ZNF577: variants seen among roughly 807,000 people sequenced by gnomAD.
ZNF577 encodes zinc finger protein 577.
A neutral mutation model predicts 13.9 loss-of-function variants in ZNF577; 14 were observed. The observed-to-expected ratio is 1.00, with a 90% CI of 0.66 to 1.57. The LOEUF (loss-of-function observed/expected upper bound fraction) is 1.57, where lower values mean the gene tolerates loss of function less well. ZNF577 is among the 40% of genes most tolerant of loss of function. The pLI, the probability that ZNF577 is intolerant of heterozygous loss-of-function variation, is 0.00. For missense variants in ZNF577, 555 were observed against 579.2 expected, an observed-to-expected ratio of 0.96 and a Z score of 0.43; for synonymous variants, 203 against 202.9, an observed-to-expected ratio of 1.00 and a Z score of 0.00.
chr19:51,829,386 G>A (rs1485687969), intron 9 of ZNF577, among the ~76,000 whole-genome samples: 7 of 151,474 alleles, frequency 4.6e-5, no homozygotes, highest in Non-Finnish European at 8.8e-5. Flanking sequence ...CAGCAGTCCT[G>A]TGCACAGATG....
intron 4 of ZNF577, chr19:51,878,012 G>C (rs1003811741): frequency 6.2e-6 from 1 of 160,146 alleles, no homozygotes; most frequent in Non-Finnish European, 1.4e-5. Context: ...GACACAAAAA[G>C]ACAGACACTA....
chr19:51,869,649 G>A lies in ZNF577; in HGVS notation c.*2883C>T, dbSNP rs866129728. Among the ~76,000 whole-genome samples, 2 of 151,892 alleles carry A rather than the reference G, an allele frequency of 1.3e-5. No individual in the cohort carries two copies. The highest frequency in any genetic ancestry group is 4.8e-5 in the African/African-American group (2 of 41,294). Reference sequence around the variant, plus strand: ...TTCTTATTTCTTTTCTCAGTCTCTCGTCCCCCCTGACGAGAAACACCCACA... The same window carrying A: ...TTCTTATTTCTTTTCTCAGTCTCTCATCCCCCCTGACGAGAAACACCCACA... On this transcript the variant is annotated 3_prime_UTR_variant, in exon 6 of 6. Transcript: ENST00000638348.
intron 5 of ZNF577, among the ~76,000 whole-genome samples, chr19:51,874,330 G>T (rs763689683): frequency 2.0e-5 from 3 of 152,120 alleles, no homozygotes; most frequent in African/African-American, 7.2e-5. Context: ...ATGCAAAGAC[G>T]TAAGAAAATT....
At chr19:51,879,652 T>C (rs2084829663) in intron 3 of ZNF577, among the ~76,000 whole-genome samples, 1 of 152,204 alleles carries the variant, frequency 6.6e-6, no homozygotes, top group South Asian at 2.1e-4. Context: ...TACATAAATA[T>C]GAATATATTC....
rs1484649751 is a variant in ZNF577 at position 51,868,611 on chromosome 19, TA to T, written c.*3920del. Among the ~76,000 whole-genome samples the T allele has an allele frequency of 1.3e-5, 2 of 152,090 alleles. No homozygotes were observed. Among genetic ancestry groups the T allele is most frequent in the Non-Finnish European group, 2.9e-5 (2 of 68,006 alleles). The stretch of plus-strand genomic sequence containing the variant: ...AATATGCCCAAGGCCAATTCCCTCA[TA>T]ATGTTGCCTACAGAAGCCCCAGCAA... On this transcript the variant is annotated 3_prime_UTR_variant, in exon 6 of 6. Transcript: ENST00000638348.
At chr19:51,854,071 A>G (rs2037241605) in intron 5 of ZNF577, among the ~76,000 whole-genome samples, 1 of 152,172 alleles carries the variant, frequency 6.6e-6, no homozygotes. Flanking sequence ...ATGTCTGAAA[A>G]TTTTTATAAT....
At chr19:51,846,752 T>C (rs1032563636) in intron 5 of ZNF577, among the ~76,000 whole-genome samples, 3 of 150,934 alleles carry the variant, frequency 2.0e-5, no homozygotes, top group African/African-American at 4.9e-5. Context: ...CCTACTGCCA[T>C]ATGAAAACAG....
chr19:51,873,680 C>A lies in ZNF577; in HGVS notation c.310G>T (p.Ala104Ser). The A allele has an allele frequency of 6.2e-7, 1 of 1,612,590 alleles. No individual in the cohort carries two copies. Among genetic ancestry groups the A allele is most frequent in the South Asian group, 1.1e-5 (1 of 90,866 alleles). ...CCAAATGCATCAGAATCTTTTCCTG[C>A]ATATCTTCTACTCTGGATTACAAAA... ...PGFVIQSRRY[A>S]GKDSDAFGGY... Residue 104 changes from alanine to serine, a missense_variant, in exon 6 of 6, where the codon GCA (alanine) becomes TCA (serine). Physicochemically the swap from Ala to Ser is moderately conservative, Grantham distance 99. Coordinates refer to ENST00000638348, the MANE Select transcript of ZNF577 (RefSeq NM_001370449.1).
At chr19:51,854,496 A>T (rs1433202947) in intron 5 of ZNF577, among the ~76,000 whole-genome samples, 7 of 123,218 alleles carry the variant, frequency 5.7e-5, no homozygotes, top group East Asian at 2.3e-4. Context: ...GCCCAGCTAA[A>T]TTTTTTTTTT....
intron 1 of ZNF577, among the ~76,000 whole-genome samples, chr19:51,881,185 G>C (rs2084856410): frequency 6.6e-6 from 1 of 152,176 alleles, no homozygotes; most frequent in Non-Finnish European, 1.5e-5. Context: ...AGACAATGAA[G>C]GAAGTGGTAA....
At chr19:51,842,983 A>C (rs2084329174) in intron 7 of ZNF577, 1 of 152,266 alleles carries the variant, frequency 6.6e-6, no homozygotes, top group Admixed American at 6.5e-5. Flanking sequence ...GTTTCAGGAA[A>C]TGCACAGTAT....
Position 51,873,096 on chromosome 19 carries a change from A to G in ZNF577, c.894T>C (p.Tyr298=). Residue 298 remains tyrosine, a synonymous_variant, in exon 6 of 6, where the codon TAT becomes TAC. Transcript: ENST00000638348. ...HQRLHTGDKP[Y]KCSDCGRTFY... Reference sequence around the variant, plus strand: ...AGGTTCTTCCACAATCACTGCATTTATAAGGCTTATCTCCTGTGTGAAGTC... The same window carrying G: ...AGGTTCTTCCACAATCACTGCATTTGTAAGGCTTATCTCCTGTGTGAAGTC... 6.2e-7 allele frequency: 1 copy of G among 1,614,222 alleles called. No homozygotes were observed. The highest frequency in any genetic ancestry group is 8.5e-7 in the Non-Finnish European group (1 of 1,180,048).
intron 9 of ZNF577, among the ~76,000 whole-genome samples, chr19:51,818,255 G>T (rs1320626899): frequency 6.6e-6 from 1 of 152,172 alleles, no homozygotes; most frequent in Non-Finnish European, 1.5e-5. Context: ...CTGATTAAAT[G>T]TTCCAATGAT....
rs778190488 is a variant in ZNF577 at position 51,872,778 on chromosome 19, T to C, written c.1212A>G (p.Ile404Met). Reference sequence around the variant, plus strand: ...CTGTGTTCACAGTCTTTTGCTCTTGTATGAGTTCGCTCATGTATAAGGAGG... The same window carrying C: ...CTGTGTTCACAGTCTTTTGCTCTTGCATGAGTTCGCTCATGTATAAGGAGG... ...SHTSLYMSELIQEQKTVNTVP... is the reference protein window; with the variant it reads ...SHTSLYMSELMQEQKTVNTVP... The change falls in exon 6 of 6, where the codon ATA becomes ATG. Residue 404 changes from isoleucine to methionine, a missense_variant. Ile to Met is a conservative substitution (Grantham distance 10). Coordinates refer to ENST00000638348, the MANE Select transcript of ZNF577 (RefSeq NM_001370449.1). 23 of 1,614,120 alleles carry C rather than the reference T, an allele frequency of 1.4e-5. No individual in the cohort carries two copies. In the Admixed American group the frequency reaches 2.8e-4, roughly 20 times the overall value.
In ZNF577 at chr19:51,867,627, A is replaced by G. The variant is rs1047765048; in HGVS notation, c.*4905T>C. ...GTCTCTACTAAAAATACAAAAAAAA[A>G]AAAAAAAATTAGCCGGGTGTGGTGG... is the stretch of plus-strand genomic sequence containing the variant. On this transcript the variant is annotated 3_prime_UTR_variant, in exon 6 of 6. Transcript: ENST00000638348. Among the ~76,000 whole-genome samples, 12 of 151,476 alleles carry G rather than the reference A, an allele frequency of 7.9e-5. No individual in the cohort carries two copies. The highest frequency in any genetic ancestry group is 2.7e-4 in the African/African-American group (11 of 41,242).
intron 5 of ZNF577, among the ~76,000 whole-genome samples, chr19:51,847,666 T>C (rs117227178): frequency 0.067 from 10,163 of 152,132 alleles, 464 homozygotes; most frequent in Non-Finnish European, 0.099. Context: ...ATGCCGGCCC[T>C]AAAAGCCCTC....
chr19:51,884,816 T>C (rs1568452056), intron 1 of ZNF577, among the ~76,000 whole-genome samples: 1 of 152,246 alleles, frequency 6.6e-6, no homozygotes, highest in Non-Finnish European at 1.5e-5. Context: ...ATATTTCCAC[T>C]GTGATTTTTT....
chr19:51,833,487 A>C (rs1229466523), intron 9 of ZNF577, among the ~76,000 whole-genome samples: 1 of 152,198 alleles, frequency 6.6e-6, no homozygotes, highest in African/African-American at 2.4e-5. Context: ...ATGGAGAGAG[A>C]GAGCTGTTTG....
intron 9 of ZNF577, among the ~76,000 whole-genome samples, chr19:51,820,542 C>T (rs1009312254): frequency 6.6e-6 from 1 of 152,152 alleles, no homozygotes; most frequent in Non-Finnish European, 1.5e-5. Flanking sequence ...TCTTGTTGGC[C>T]TGTCCCCACC....
Sources: allele counts gnomAD v4.1 joint callset (sites outside exome capture counted in the v4.1 genomes callset), GRCh38; gene constraint gnomAD v4.1.1; transcripts MANE v1.5; gene names NCBI Gene and HGNC (gene_info 2026-07-23, HGNC 2026-07-21).